The following USP32 variants were observed in gnomAD, a reference collection of about 807,000 sequenced individuals.
USP32 encodes ubiquitin specific peptidase 32, also known as ubiquitin carboxyl-terminal hydrolase 32.
A neutral mutation model predicts 204.8 loss-of-function variants in USP32; 59 were observed. The ratio of observed to expected loss-of-function variants is 0.29; its 90% CI spans 0.23 to 0.36. The LOEUF (loss-of-function observed/expected upper bound fraction) is 0.36, where lower values mean the gene tolerates loss of function less well. Ranked by LOEUF, USP32 falls within the 10% of genes least tolerant of loss-of-function variation. The probability of loss-of-function intolerance (pLI) is 1.00; values close to 1 mark genes in which losing one functional copy is unlikely to be tolerated. For synonymous variants in USP32, 517 were observed against 678.4 expected, an observed-to-expected ratio of 0.76 and a Z score of 3.70; for missense variants, 1,160 against 1,946.4, an observed-to-expected ratio of 0.60 and a Z score of 7.60.
At chr17:60,217,373 C>A (rs1297468819) in intron 16 of USP32, among the ~76,000 whole-genome samples, 2 of 152,338 alleles carry the variant, frequency 1.3e-5, no homozygotes, top group South Asian at 2.1e-4. Context: ...CGGCTCACTG[C>A]AACCTCTGCC....
chr17:60,217,484 G>T (rs1431823899), intron 16 of USP32, among the ~76,000 whole-genome samples: 3 of 152,046 alleles, frequency 2.0e-5, no homozygotes, highest in Non-Finnish European at 4.4e-5. Flanking sequence ...TAGTAAAGAT[G>T]GGGTTTCACC....
intron 2 of USP32, among the ~76,000 whole-genome samples, chr17:60,338,985 T>C (rs1598263157): frequency 6.6e-6 from 1 of 152,020 alleles, no homozygotes; most frequent in East Asian, 1.9e-4. Context: ...TCTTGGCTGA[T>C]TGCAACCTCT....
chr17:60,365,732 T>C (rs1206979253), intron 1 of USP32, among the ~76,000 whole-genome samples: 1 of 152,104 alleles, frequency 6.6e-6, no homozygotes, highest in Admixed American at 6.6e-5. Context: ...AAGAATGCAT[T>C]AAGATAAACC....
In USP32 at chr17:60,237,124, A is replaced by AC. The variant is rs558411322; in HGVS notation, c.1137-885_1137-884insG. 2.1e-5 allele frequency among the ~76,000 whole-genome samples: 3 copies of AC among 141,800 alleles called. No homozygotes were observed. The South Asian group carries it at 6.6e-4, about 31-fold the overall frequency. 93.0% of individuals were successfully genotyped at this position (141,800 alleles called of 152,430 possible). On this transcript the variant is annotated intron_variant, in intron 11 of 33. Coordinates refer to ENST00000300896, the MANE Select transcript of USP32 (RefSeq NM_032582.4). ...AAAAAAAAATCTACTCTATCTATCT[A>AC]TCTATCTATCTATCTATCTATCTAT...
chr17:60,230,908 T>C (rs2085530019), intron 12 of USP32, among the ~76,000 whole-genome samples: 1 of 152,220 alleles, frequency 6.6e-6, no homozygotes. Context: ...TTCTGGCTGC[T>C]TGCGGAAATT....
chr17:60,207,016 C>T lies in USP32; in HGVS notation c.3037+5G>A, dbSNP rs2084845988. ...TCATGAGAAGGAGTTCTAGTTCTAT[C>T]TTACCTGTCTGTGTTGGACTAGAAG... On this transcript the variant is annotated splice_donor_5th_base_variant and intron_variant, in intron 25 of 33. Transcript: ENST00000300896. 1 of 1,611,284 alleles carries T rather than the reference C, an allele frequency of 6.2e-7. No individual in the cohort carries two copies. Among genetic ancestry groups the T allele is most frequent in the African/African-American group, 1.3e-5 (1 of 74,780 alleles).
intron 11 of USP32, among the ~76,000 whole-genome samples, chr17:60,251,303 G>A (rs778790674): frequency 4.4e-4 from 66 of 151,618 alleles, no homozygotes; most frequent in Non-Finnish European, 7.7e-4. Flanking sequence ...ATAAATAACC[G>A]TTTTTAAAAC....
At chr17:60,182,127 T>G (rs1266866058) in intron 31 of USP32, among the ~76,000 whole-genome samples, 1 of 152,228 alleles carries the variant, frequency 6.6e-6, no homozygotes, top group Non-Finnish European at 1.5e-5. Context: ...GAGTACTTCC[T>G]ATTGTTAGGC....
At chr17:60,229,942 T>C (rs2085502070) in intron 12 of USP32, among the ~76,000 whole-genome samples, 2 of 151,914 alleles carry the variant, frequency 1.3e-5, no homozygotes, top group South Asian at 4.2e-4. Context: ...GCCTCCGGAG[T>C]AGCTGGGATT....
At chr17:60,273,669 C>T (rs1250026089) in intron 5 of USP32, among the ~76,000 whole-genome samples, 3 of 151,978 alleles carry the variant, frequency 2.0e-5, no homozygotes, top group Admixed American at 2.0e-4. Context: ...AAAAATTAGT[C>T]AATAGAGGGC....
Position 60,252,391 on chromosome 17 carries a change from G to T in USP32, c.1126C>A (p.Gln376Lys), listed in dbSNP as rs545543752. 2 of 1,608,242 alleles carry T rather than the reference G, an allele frequency of 1.2e-6. No individual in the cohort carries two copies. The highest frequency in any genetic ancestry group is 4.5e-5 in the East Asian group (2 of 44,466). Reference sequence around the variant, plus strand: ...AAACTACAAATTTACCTAATAATTTGTCCTTCTTCTTCCGGAGTAGCTGGT... The same window carrying T: ...AAACTACAAATTTACCTAATAATTTTTCCTTCTTCTTCCGGAGTAGCTGGT... ...LRPATPEEEG[Q>K]IIRGWLERES... The change falls in exon 11 of 34, where the codon CAA becomes AAA. Residue 376 changes from glutamine to lysine, a missense_variant. Transcript: ENST00000300896.
At chr17:60,189,506 T>A (rs1291723264) in intron 29 of USP32, among the ~76,000 whole-genome samples, 1 of 152,264 alleles carries the variant, frequency 6.6e-6, no homozygotes. Flanking sequence ...TTGACTCTGT[T>A]GTTTTTACCT....
chr17:60,181,529 C>T lies in USP32; in HGVS notation c.4343G>A (p.Gly1448Glu). 6.2e-7 allele frequency: 1 copy of T among 1,613,988 alleles called. No homozygotes were observed. ...ICELADALSR[G>E]HVLGGSQPEL... ...TGGTTGGCTGCCCCCCAGCACATGC[C>T]CTCGACTCAAGGCGTCAGCCAGCTC... Residue 1448 changes from glycine to glutamate, a missense_variant, in exon 32 of 34, where the codon GGG (glycine) becomes GAG (glutamate). Around this residue, in one of 8 missense-constraint regions of USP32, gnomAD observed 244 missense variants for 342.3 expected, o/e 0.71. Transcript: ENST00000300896.
intron 1 of USP32, among the ~76,000 whole-genome samples, chr17:60,412,156 C>T (rs193300067): frequency 3.2e-4 from 49 of 152,188 alleles, no homozygotes; most frequent in East Asian, 1.7e-3. Flanking sequence ...CTCACCACAC[C>T]GGTATTTTCC....
At chr17:60,382,265 G>C (rs1353120425) in intron 1 of USP32, among the ~76,000 whole-genome samples, 1 of 152,226 alleles carries the variant, frequency 6.6e-6, no homozygotes, top group South Asian at 2.1e-4. Context: ...TATGATCCCA[G>C]TGCTTTGGGA....
rs2084036188 is a variant in USP32, at chr17:60,179,119, T to C, written c.*136A>G. On this transcript the variant is annotated 3_prime_UTR_variant, in exon 34 of 34. Transcript: ENST00000300896. ...TTAAAGTTAACTATTTTAATTAGAA[T>C]TTTTATTTTGTGCTTCAGGGCCACA... is the stretch of plus-strand genomic sequence containing the variant. 4 of 1,017,452 alleles carry C rather than the reference T, an allele frequency of 3.9e-6. No homozygotes were observed. The highest frequency in any genetic ancestry group is 5.6e-6 in the Non-Finnish European group (4 of 719,840). The allele number at this position is 1,017,452 out of a possible 1,614,324, so 63.0% of individuals were successfully genotyped here. A position where few individuals can be genotyped will look rare whatever the true frequency, so the allele number is the denominator to read the frequency against.
chr17:60,340,662 C>T (rs1426888184), intron 2 of USP32, among the ~76,000 whole-genome samples: 1 of 152,124 alleles, frequency 6.6e-6, no homozygotes, highest in African/African-American at 2.4e-5. Flanking sequence ...GCATTTAGCC[C>T]ATTTACATTT....
At chr17:60,233,381 G>T (rs2085626957) in intron 12 of USP32, among the ~76,000 whole-genome samples, 1 of 152,120 alleles carries the variant, frequency 6.6e-6, no homozygotes, top group Non-Finnish European at 1.5e-5. Context: ...AATTGCCTCA[G>T]TCCATGAGGT....
At chr17:60,356,501 C>A (rs1458996725) in intron 1 of USP32, among the ~76,000 whole-genome samples, 1 of 152,136 alleles carries the variant, frequency 6.6e-6, no homozygotes, top group Admixed American at 6.6e-5. Flanking sequence ...TAGTATAGAA[C>A]CCCTCCGCCA....
Sources: allele counts gnomAD v4.1 joint callset (sites outside exome capture counted in the v4.1 genomes callset), GRCh38; gene constraint gnomAD v4.1.1; regional missense constraint gnomAD v4.1.1; transcripts MANE v1.5; gene names NCBI Gene and HGNC (gene_info 2026-07-23, HGNC 2026-07-21).